Variants in IMMP2L observed in about 807,000 individuals in gnomAD.
The protein encoded by IMMP2L is mitochondrial inner membrane protease subunit 2.
In IMMP2L, 18 loss-of-function variants were observed where a neutral mutation model predicts 19.3. The observed-to-expected ratio is 0.93, with a 90% CI of 0.64 to 1.38. The LOEUF (loss-of-function observed/expected upper bound fraction) is 1.38. Ranked by LOEUF, IMMP2L falls within the 40% of genes most tolerant of loss-of-function variation. IMMP2L has a pLI of 0.00. For synonymous variants in IMMP2L, 76 were observed against 73.0 expected (o/e 1.04, Z -0.21); for missense variants, 233 against 218.2 (o/e 1.07, Z -0.43).
chr7:111,258,958 C>T (rs920270287), intron 3 of IMMP2L, among the ~76,000 whole-genome samples: 1 of 152,082 alleles, frequency 6.6e-6, no homozygotes, highest in African/African-American at 2.4e-5. Context: ...TGTACTTACA[C>T]AAACCTAGAT....
At chr7:111,221,566 T>C (rs1812520441) in intron 3 of IMMP2L, among the ~76,000 whole-genome samples, 1 of 151,808 alleles carries the variant, frequency 6.6e-6, no homozygotes, top group African/African-American at 2.4e-5. Flanking sequence ...AATAAAAACA[T>C]ACGGTACACA....
At chr7:111,197,175 A>C in intron 3 of IMMP2L, among the ~76,000 whole-genome samples, 1 of 152,228 alleles carries the variant, frequency 6.6e-6, no homozygotes, top group Non-Finnish European at 1.5e-5. Flanking sequence ...AAATGAACAA[A>C]GTATTGGCTG....
chr7:111,046,044 C>A (rs1468947152), intron 3 of IMMP2L, among the ~76,000 whole-genome samples: 1 of 151,702 alleles, frequency 6.6e-6, no homozygotes, highest in East Asian at 1.9e-4. Context: ...CAAATCTTAA[C>A]ATAATCTAAA....
intron 3 of IMMP2L, chr7:111,124,782 C>T (rs187896572): frequency 1.2e-6 from 2 of 1,613,650 alleles, no homozygotes; most frequent in East Asian, 2.2e-5. Context: ...AGAAACCAAC[C>T]TTTGCATTAG....
intron 5 of IMMP2L, among the ~76,000 whole-genome samples, chr7:110,875,610 A>G (rs1427352420): frequency 6.6e-6 from 1 of 152,166 alleles, no homozygotes; most frequent in African/African-American, 2.4e-5. Flanking sequence ...GGAATGTTTC[A>G]TTTGCCTGCA....
At chr7:111,283,547 G>T (rs1354546501) in intron 3 of IMMP2L, among the ~76,000 whole-genome samples, 1 of 152,142 alleles carries the variant, frequency 6.6e-6, no homozygotes, top group African/African-American at 2.4e-5. Context: ...TAGGGTATGT[G>T]GTAGGAGAAT....
At chr7:110,992,019 T>C (rs1822525523) in intron 3 of IMMP2L, among the ~76,000 whole-genome samples, 1 of 152,154 alleles carries the variant, frequency 6.6e-6, no homozygotes, top group Middle Eastern at 3.2e-3. Context: ...AAGAAACTGC[T>C]TGTACCTGAC....
At chr7:111,220,157 C>A (rs1439656050) in intron 3 of IMMP2L, among the ~76,000 whole-genome samples, 1 of 151,954 alleles carries the variant, frequency 6.6e-6, no homozygotes, top group African/African-American at 2.4e-5. Context: ...ACTTACCACA[C>A]CCTATTCCCA....
chr7:110,885,629 A>G (rs1810143471), intron 5 of IMMP2L, among the ~76,000 whole-genome samples: 1 of 152,046 alleles, frequency 6.6e-6, no homozygotes, highest in African/African-American at 2.4e-5. Context: ...TATACACTCA[A>G]TGCTTCTAAC....
intron 4 of IMMP2L, among the ~76,000 whole-genome samples, chr7:110,959,300 C>T (rs951797179): frequency 2.0e-5 from 3 of 151,948 alleles, no homozygotes; most frequent in Admixed American, 1.3e-4. Context: ...GAAAAATCCA[C>T]AGCACAGACC....
intron 3 of IMMP2L, among the ~76,000 whole-genome samples, chr7:111,089,617 C>A (rs1232688433): frequency 6.6e-6 from 1 of 151,960 alleles, no homozygotes; most frequent in Non-Finnish European, 1.5e-5. Flanking sequence ...AACACTCAAC[C>A]ATGATCCCTA....
At chr7:111,480,830 C>T (rs1842119421) in intron 3 of IMMP2L, among the ~76,000 whole-genome samples, 1 of 152,068 alleles carries the variant, frequency 6.6e-6, no homozygotes. Context: ...GCTTTTAATA[C>T]AATTATGGGT....
intron 3 of IMMP2L, among the ~76,000 whole-genome samples, chr7:111,343,766 T>A (rs1428377949): frequency 1.3e-5 from 2 of 152,126 alleles, no homozygotes; most frequent in Non-Finnish European, 2.9e-5. Flanking sequence ...AGGTGTTCAT[T>A]TACATTTGAA....
chr7:111,361,533 C>T (rs1829258707), intron 3 of IMMP2L, among the ~76,000 whole-genome samples: 2 of 152,134 alleles, frequency 1.3e-5, no homozygotes, highest in Admixed American at 1.3e-4. Context: ...TAAACTCCAA[C>T]ATAAAATTTT....
chr7:111,236,727 C>A (rs568291027), intron 3 of IMMP2L, among the ~76,000 whole-genome samples: 24 of 152,214 alleles, frequency 1.6e-4, no homozygotes, highest in South Asian at 6.2e-4. Flanking sequence ...AACTCTGTCT[C>A]GTCAACCCTA....
At chr7:110,947,573 T>C (rs757182203) in intron 4 of IMMP2L, among the ~76,000 whole-genome samples, 1 of 152,210 alleles carries the variant, frequency 6.6e-6, no homozygotes, top group African/African-American at 2.4e-5. Flanking sequence ...CAGGGTTTTG[T>C]AAAGCTTACT....
intron 5 of IMMP2L, among the ~76,000 whole-genome samples, chr7:110,844,468 T>C (rs1381436711): frequency 6.6e-6 from 1 of 151,954 alleles, no homozygotes; most frequent in Non-Finnish European, 1.5e-5. Context: ...AAAAAAAGTT[T>C]AGCAGTTTTG....
intron 5 of IMMP2L, among the ~76,000 whole-genome samples, chr7:110,848,660 G>A (rs182317338): frequency 6.6e-6 from 1 of 152,246 alleles, no homozygotes; most frequent in Admixed American, 6.5e-5. Flanking sequence ...CAATCAACAT[G>A]TCTTTCAGCA....
intron 5 of IMMP2L, among the ~76,000 whole-genome samples, chr7:110,853,445 C>T (rs1279975102): frequency 2.0e-5 from 3 of 152,020 alleles, no homozygotes; most frequent in East Asian, 1.9e-4. Flanking sequence ...GCGCGTATGT[C>T]GTGATGTGAA....
Sources: allele counts gnomAD v4.1 joint callset (sites outside exome capture counted in the v4.1 genomes callset), GRCh38; gene constraint gnomAD v4.1.1; transcripts MANE v1.5; gene names NCBI Gene and HGNC (gene_info 2026-07-23, HGNC 2026-07-21).